KLHL4: variants seen among roughly 807,000 people sequenced by gnomAD.
KLHL4 encodes kelch like family member 4.
Under a neutral mutation model 45.8 loss-of-function variants are expected in KLHL4, and 17 were observed. The observed-to-expected ratio is 0.37, with a 90% confidence interval of 0.25 to 0.56. The LOEUF (loss-of-function observed/expected upper bound fraction) is 0.56, where lower values mean the gene tolerates loss of function less well. KLHL4 is among the 20% of genes least tolerant of loss of function. The probability of loss-of-function intolerance (pLI) is 0.79; values close to 1 mark genes in which losing one functional copy is unlikely to be tolerated. For missense variants in KLHL4, 544 were observed against 544.9 expected (o/e 1.00, Z 0.02); for synonymous variants, 224 against 189.9 (o/e 1.18, Z -1.47).
At chrX:87,600,921 G>C (rs1172925383) in intron 1 of KLHL4, among the ~76,000 whole-genome samples, 1 of 111,930 alleles carries the variant, frequency 8.9e-6, no homozygotes, top group Non-Finnish European at 1.9e-5. Flanking sequence ...AGTTAGATAG[G>C]AGAAACAAGT....
chrX:87,627,372 A>T (rs1157200894), intron 6 of KLHL4, among the ~76,000 whole-genome samples: 2 of 111,497 alleles, frequency 1.8e-5, no homozygotes, highest in African/African-American at 6.5e-5. Context: ...AAAAAAGTTT[A>T]AAAACTTGGT....
At chrX:87,658,847 T>G (rs752674835) in intron 9 of KLHL4, among the ~76,000 whole-genome samples, 45 of 111,470 alleles carry the variant, frequency 4.0e-4, no homozygotes, top group African/African-American at 1.3e-3. Flanking sequence ...TCTGAGAAAT[T>G]TATTAGTCAT....
chrX:87,530,038 G>C lies in KLHL4; in HGVS notation c.422+11723G>C, dbSNP rs137882166. On this transcript the variant is annotated intron_variant, in intron 1 of 10. Coordinates refer to ENST00000373119, the MANE Select transcript of KLHL4 (RefSeq NM_019117.5). ...TGGATATTAGCCCTTTGTCAGATGA[G>C]TAGGTTGCGAAAATTTTCTCCCATT... Among the ~76,000 whole-genome samples the C allele has an allele frequency of 4.2e-3, 464 of 111,313 alleles. 4 individuals are homozygous for C. Among genetic ancestry groups the C allele is most frequent in the African/African-American group, 0.014 (427 of 30,654 alleles).
chrX:87,548,925 A>G (rs2147777541), intron 1 of KLHL4, among the ~76,000 whole-genome samples: 1 of 109,991 alleles, frequency 9.1e-6, no homozygotes, highest in South Asian at 3.9e-4. Flanking sequence ...TTACTTATCA[A>G]TAATAACATT....
chrX:87,547,119 G>A (rs959706231), intron 1 of KLHL4, among the ~76,000 whole-genome samples: 1 of 111,530 alleles, frequency 9.0e-6, no homozygotes, highest in African/African-American at 3.3e-5. Flanking sequence ...ATGAGATTTG[G>A]GTGGAGCCTG....
intron 9 of KLHL4, among the ~76,000 whole-genome samples, chrX:87,661,487 G>T (rs1372428579): frequency 9.0e-6 from 1 of 110,714 alleles, no homozygotes; most frequent in Non-Finnish European, 1.9e-5. Flanking sequence ...AAAATAAATT[G>T]GGCTGCATAT....
chrX:87,664,954 T>A lies in KLHL4; in HGVS notation c.2097+19T>A. 1 of 1,007,120 alleles carries A rather than the reference T, an allele frequency of 9.9e-7. No individual in the cohort carries two copies. Among genetic ancestry groups the A allele is most frequent in the Middle Eastern group, 2.6e-4 (1 of 3,799 alleles). 83.0% of individuals were successfully genotyped at this position (1,007,120 alleles called of 1,213,427 possible). ...GAAAGAGGTATTCGAATTAAAATAT[T>A]CAAATTACTATATTTCAGGTTTTAA... On this transcript the variant is annotated intron_variant, in intron 10 of 10. Transcript: ENST00000373119.
At chrX:87,555,426 T>C (rs1237432940) in intron 1 of KLHL4, among the ~76,000 whole-genome samples, 1 of 111,646 alleles carries the variant, frequency 9.0e-6, no homozygotes, top group Non-Finnish European at 1.9e-5. Context: ...GAGAGTCAAC[T>C]TCTTCCTGTT....
chrX:87,541,544 C>T (rs890021906), intron 1 of KLHL4, among the ~76,000 whole-genome samples: 3 of 105,535 alleles, frequency 2.8e-5, no homozygotes, highest in Admixed American at 2.0e-4. Context: ...TTCTCTCTGT[C>T]TCTCCTGCCA....
chrX:87,669,301 T>A lies in KLHL4; in HGVS notation c.*2767T>A, dbSNP rs189254265. The A allele has an allele frequency of 1.7e-6, 2 of 1,205,767 alleles. No homozygotes were observed. Among genetic ancestry groups the A allele is most frequent in the East Asian group, 5.9e-5 (2 of 33,635 alleles). ...ATGCATCATGATGATTCTCTAACAC[T>A]GTCTGTCACCTTCCTGTATTTCCAC... is the stretch of plus-strand genomic sequence containing the variant. On this transcript the variant is annotated 3_prime_UTR_variant, in exon 11 of 11. Transcript: ENST00000373119.
intron 1 of KLHL4, among the ~76,000 whole-genome samples, chrX:87,526,528 A>G (rs1280080792): frequency 8.9e-6 from 1 of 112,248 alleles, no homozygotes; most frequent in African/African-American, 3.2e-5. Context: ...TAGGCATTCA[A>G]AGAAAAGAAA....
chrX:87,530,940 C>T (rs1234853576), intron 1 of KLHL4, among the ~76,000 whole-genome samples: 1 of 110,747 alleles, frequency 9.0e-6, no homozygotes, highest in Non-Finnish European at 1.9e-5. Flanking sequence ...CTGTTGTTTC[C>T]TGACTTTTTA....
At chrX:87,540,771 G>GTA (rs1325207957) in intron 1 of KLHL4, among the ~76,000 whole-genome samples, 2 of 111,448 alleles carry the variant, frequency 1.8e-5, no homozygotes, top group African/African-American at 6.5e-5. Context: ...GTAAAATACA[G>GTA]TATATATATA....
intron 1 of KLHL4, among the ~76,000 whole-genome samples, chrX:87,572,038 T>TA (rs1425955338): frequency 7.2e-5 from 7 of 96,659 alleles, no homozygotes; most frequent in Non-Finnish European, 4.1e-5. Context: ...CTAACAAAAA[T>TA]AAAAAATAAC....
chrX:87,635,484 C>A, intron 8 of KLHL4, 79 bp from the exon 9 acceptor site: 1 of 758,150 alleles, frequency 1.3e-6, no homozygotes, highest in Non-Finnish European at 1.9e-6. Flanking sequence ...AGTTCTCTCA[C>A]TCTCATTCTA....
intron 6 of KLHL4, 66 bp downstream of exon 6, chrX:87,625,862 G>C: frequency 1.1e-6 from 1 of 888,431 alleles, no homozygotes; most frequent in Non-Finnish European, 1.6e-6. Flanking sequence ...AAATTATAAG[G>C]GTGATATTAA....
In KLHL4 at chrX:87,667,215, G is replaced by T; in HGVS notation, c.*681G>T. 1.4e-6 allele frequency: 1 copy of T among 720,564 alleles called. No individual in the cohort carries two copies. Among genetic ancestry groups the T allele is most frequent in the Non-Finnish European group, 1.6e-6 (1 of 608,900 alleles). 59.4% of individuals were successfully genotyped at this position (720,564 alleles called of 1,213,427 possible). A position where few individuals can be genotyped will look rare whatever the true frequency, so the allele number is the denominator to read the frequency against. On this transcript the variant is annotated 3_prime_UTR_variant, in exon 11 of 11. Coordinates refer to ENST00000373119, the MANE Select transcript of KLHL4 (RefSeq NM_019117.5). ...TATTTCTTAACATATTATCTTGTTA[G>T]ATTTGTTACCAGTAAAATATTACTG...
intron 5 of KLHL4, among the ~76,000 whole-genome samples, chrX:87,624,806 G>A: frequency 8.9e-6 from 1 of 112,284 alleles, no homozygotes; most frequent in Non-Finnish European, 1.9e-5. Flanking sequence ...AAAAAGAATT[G>A]ATCATCTATT....
Position 87,635,729 on chromosome X carries a change from G to A in KLHL4, c.1879G>A (p.Ala627Thr), listed in dbSNP as rs1325990722. 1.7e-6 allele frequency: 2 copies of A among 1,204,421 alleles called. No homozygotes were observed. Among genetic ancestry groups the A allele is most frequent in the Admixed American group, 4.4e-5 (2 of 45,890 alleles). The change falls in exon 9 of 11, where the codon GCC becomes ACC. Residue 627 changes from alanine to threonine, a missense_variant. Ala to Thr is a moderately conservative substitution (Grantham distance 58). Transcript: ENST00000373119. ...GFLYVVGGHD[A>T]PASNHCSRLS... ...CTTATATGTTGTAGGGGGGCATGAT[G>A]CCCCTGCTTCCAACCATTGCTCCAG...
Sources: allele counts gnomAD v4.1 joint callset (sites outside exome capture counted in the v4.1 genomes callset), GRCh38; gene constraint gnomAD v4.1.1; transcripts MANE v1.5; gene names NCBI Gene and HGNC (gene_info 2026-07-23, HGNC 2026-07-21).